The following ZNF667 variants were observed in gnomAD, a reference collection of about 807,000 sequenced individuals.
The protein encoded by ZNF667 is zinc finger protein 667.
In ZNF667, 13 loss-of-function variants were observed where a neutral mutation model predicts 31.8. The observed-to-expected ratio is 0.41, with a 90% confidence interval of 0.27 to 0.65. The LOEUF (loss-of-function observed/expected upper bound fraction) is 0.65. ZNF667 is among the 30% of genes least tolerant of loss of function. ZNF667 has a pLI of 0.32. For synonymous variants in ZNF667, 228 were observed against 247.1 expected (o/e 0.92, Z 0.73); for missense variants, 642 against 725.6 (o/e 0.88, Z 1.32).
chr19:56,473,929 C>T (rs2043347054), intron 2 of ZNF667, 83 bp downstream of exon 2: 1 of 152,120 alleles, frequency 6.6e-6, no homozygotes. Context: ...AATCCAAAAC[C>T]CGCTTTGGCA....
intron 6 of ZNF667, chr19:56,444,305 T>C (rs2042678172): frequency 1.0e-5 from 4 of 398,156 alleles, no homozygotes; most frequent in Admixed American, 8.8e-5. Context: ...AAAGACGAAG[T>C]AGGAGAAGGC....
In ZNF667 at chr19:56,476,362, A is replaced by G. The variant is rs146278852; in HGVS notation, c.-662+910T>C. Among the ~76,000 whole-genome samples, 570 of 151,890 alleles carry G rather than the reference A, an allele frequency of 3.8e-3. 6 individuals are homozygous for G. The highest frequency in any genetic ancestry group is 0.023 in the Admixed American group (346 of 15,258). Reference sequence around the variant, plus strand: ...GCAGCGCACCACTGCTCAACTGGAGATGGTCAGATGCCCTGGTATGTGGAC... The same window carrying G: ...GCAGCGCACCACTGCTCAACTGGAGGTGGTCAGATGCCCTGGTATGTGGAC... On this transcript the variant is annotated intron_variant, in intron 1 of 6. Transcript: ENST00000504904.
intron 5 of ZNF667, among the ~76,000 whole-genome samples, chr19:56,459,844 C>T (rs1456682214): frequency 6.6e-6 from 1 of 152,018 alleles, no homozygotes; most frequent in African/African-American, 2.4e-5. Context: ...TACAAAAAAT[C>T]AGCTGGGTGT....
intron 2 of ZNF667, chr19:56,472,700 A>C (rs189378214): frequency 2.7e-4 from 41 of 152,358 alleles, no homozygotes; most frequent in African/African-American, 9.4e-4. Context: ...GTAAGAATAG[A>C]GTATGCAATA....
chr19:56,451,432 A>G (rs73623114), intron 6 of ZNF667, among the ~76,000 whole-genome samples: 2,214 of 152,344 alleles, frequency 0.015, 48 homozygotes, highest in African/African-American at 0.048. Flanking sequence ...CAGAAAATCA[A>G]CAAAGAAACA....
Position 56,442,294 on chromosome 19 carries a change from A to G in ZNF667, c.701T>C (p.Leu234Ser), listed in dbSNP as rs2042624565. The G allele has an allele frequency of 6.2e-7, 1 of 1,613,980 alleles. No individual in the cohort carries two copies. The highest frequency in any genetic ancestry group is 1.3e-5 in the African/African-American group (1 of 74,932). ...TATATTGAAAGACTGACATTGACTC[A>G]AGGCCTTCCCACAGTCAAGAATTTC... ...GKEILDCGKALSQCQSFNIHQ... is the reference protein window; with the variant it reads ...GKEILDCGKASSQCQSFNIHQ... Residue 234 changes from leucine (L) to serine (S), a missense_variant, in exon 7 of 7, where the codon TTG becomes TCG. By Grantham distance (145) the Leu-to-Ser change is moderately radical. Transcript: ENST00000504904.
intron 6 of ZNF667, among the ~76,000 whole-genome samples, chr19:56,457,229 A>G (rs2042951872): frequency 6.6e-6 from 1 of 152,238 alleles, no homozygotes; most frequent in South Asian, 2.1e-4. Flanking sequence ...GAGTTAAAAA[A>G]TATTTTTAAA....
At position 56,474,088 on chromosome 19, in the gene ZNF667, C is replaced by T. The variant is rs1568457623; in HGVS notation, c.-625G>A. ...AGATGAGAAAGGGCTTTGAAAGGCA[C>T]AAAGCTATGTCCTCCTGAGGTGAGG... On this transcript the variant is annotated 5_prime_UTR_variant, in exon 2 of 7. In the 5' UTR this introduces an upstream ATG that the reference lacks. Transcript: ENST00000504904. The T allele has an allele frequency of 6.6e-6, 1 of 152,202 alleles. No homozygotes were observed. Among genetic ancestry groups the T allele is most frequent in the Non-Finnish European group, 1.5e-5 (1 of 68,038 alleles). 9.4% of individuals were successfully genotyped at this position (152,202 alleles called of 1,614,324 possible). A position where few individuals can be genotyped will look rare whatever the true frequency, so the allele number is the denominator to read the frequency against.
chr19:56,456,738 C>A (rs2042938500), intron 6 of ZNF667, among the ~76,000 whole-genome samples: 1 of 152,048 alleles, frequency 6.6e-6, no homozygotes, highest in South Asian at 2.1e-4. Flanking sequence ...GTGAAAAAAG[C>A]AGAAATATAT....
At chr19:56,464,025 A>C (rs1467800845) in intron 3 of ZNF667, among the ~76,000 whole-genome samples, 4 of 152,208 alleles carry the variant, frequency 2.6e-5, no homozygotes, top group African/African-American at 9.7e-5. Flanking sequence ...TAGGAAATTA[A>C]GTACAGATCA....
intron 1 of ZNF667, 74 bp from the exon 2 acceptor site, chr19:56,474,198 C>A (rs547242143): frequency 6.6e-6 from 1 of 152,312 alleles, no homozygotes; most frequent in African/African-American, 2.4e-5. Context: ...AACTGAGGGG[C>A]CTTCCCCTCC....
At chr19:56,442,798 T>C (rs763671100) in intron 6 of ZNF667, 57 bp from the exon 7 acceptor site, 8 of 1,481,392 alleles carry the variant, frequency 5.4e-6, no homozygotes, top group Non-Finnish European at 7.1e-6. Flanking sequence ...AAAATGAAGA[T>C]TCTACAATAT....
chr19:56,444,335 GGAGA>G, intron 6 of ZNF667: 1 of 398,042 alleles, frequency 2.5e-6, no homozygotes, highest in East Asian at 3.6e-5. Context: ...GGTGAAACAA[GGAGA>G]GAGAGTGTGG....
At position 56,463,670 on chromosome 19, in the gene ZNF667, G is replaced by A. The variant is rs559039709; in HGVS notation, c.-59-1241C>T. ...AGCCTTCCAAGTAGCTGGGACCACA[G>A]GCACCTGCCACCACACTCAGCTAAT... On this transcript the variant is annotated intron_variant, in intron 3 of 6. Transcript: ENST00000504904. 1.6e-4 allele frequency among the ~76,000 whole-genome samples: 24 copies of A among 152,128 alleles called. No individual in the cohort carries two copies. The East Asian group carries it at 4.5e-3, about 28-fold the overall frequency.
chr19:56,441,924 C>T lies in ZNF667; in HGVS notation c.1071G>A (p.Pro357=), dbSNP rs146257741. ...ACTTGTCACATTTATCACATTTGTACGGTTTCTCTGAAGTGTGAATTCTCT... is the reference window on the plus strand; with the variant it reads ...ACTTGTCACATTTATCACATTTGTATGGTTTCTCTGAAGTGTGAATTCTCT... ...LHQRIHTSEK[P]YKCDKCDKFF... is the part of the protein sequence containing the mutation. Residue 357 remains proline, a synonymous_variant, in exon 7 of 7, where the codon CCG becomes CCA. Coordinates refer to ENST00000504904, the MANE Select transcript of ZNF667 (RefSeq NM_001321356.2). The surrounding 1 kb of genome is among the most constrained non-coding windows in gnomAD (Gnocchi z 4.2). 1.4e-5 allele frequency: 23 copies of T among 1,613,964 alleles called. No homozygotes were observed. The highest frequency in any genetic ancestry group is 1.2e-4 in the African/African-American group (9 of 74,904).
intron 6 of ZNF667, among the ~76,000 whole-genome samples, chr19:56,450,653 G>A (rs889477225): frequency 4.6e-5 from 7 of 152,110 alleles, no homozygotes; most frequent in African/African-American, 1.2e-4. Context: ...ACAAAAAAAC[G>A]GCAACTACAA....
At chr19:56,445,913 AGGATTAAATTT>A (rs2042699205) in intron 6 of ZNF667, among the ~76,000 whole-genome samples, 1 of 130,810 alleles carries the variant, frequency 7.6e-6, no homozygotes, top group Non-Finnish European at 1.6e-5. Flanking sequence ...TCCAACACTG[AGGATTAAATTT>A]CAACATGAGA....
chr19:56,477,009 ACGGCTCGCCTCACACG>A (rs2043424803), intron 1 of ZNF667: 1 of 152,430 alleles, frequency 6.6e-6, no homozygotes, highest in African/African-American at 2.4e-5. Context: ...ACAGGCACAC[ACGGCTCGCCTCACACG>A]CGGCGCCAAC....
chr19:56,451,893 A>C (rs893375993), intron 6 of ZNF667, among the ~76,000 whole-genome samples: 1 of 148,878 alleles, frequency 6.7e-6, no homozygotes, highest in East Asian at 1.9e-4. Flanking sequence ...AAAAAAAAAA[A>C]AAAAAACTTT....
Sources: gnomAD v4.1 joint callset for allele counts (sites outside exome capture counted in the v4.1 genomes callset) on GRCh38, gnomAD v4.1.1 for gene constraint, Gnocchi (gnomAD v3.1) non-coding constraint, MANE v1.5 for transcripts, NCBI Gene and HGNC (gene_info 2026-07-23, HGNC 2026-07-21) for gene names.